PCDH7: variants seen among roughly 807,000 people sequenced by gnomAD.
PCDH7 encodes the protein protocadherin-7.
A neutral mutation model predicts 58.9 loss-of-function variants in PCDH7; 17 were observed. The ratio of observed to expected loss-of-function variants is 0.29; its 90% CI spans 0.20 to 0.43. The LOEUF (loss-of-function observed/expected upper bound fraction) is 0.43, where lower values mean the gene tolerates loss of function less well. PCDH7 is among the 20% of genes least tolerant of loss of function. The pLI, the probability that PCDH7 is intolerant of heterozygous loss-of-function variation, is 1.00. For synonymous variants in PCDH7, 664 were observed against 616.4 expected (o/e 1.08, Z -1.14); for missense variants, 1,274 against 1,441.0 (o/e 0.88, Z 1.88).
At chr4:30,821,154 C>G (rs1466080392) in intron 1 of PCDH7, among the ~76,000 whole-genome samples, 2 of 152,150 alleles carry the variant, frequency 1.3e-5, no homozygotes, top group African/African-American at 4.8e-5. Flanking sequence ...TTAAGTCACT[C>G]TCTGCCTCCT....
At chr4:31,127,587 C>T (rs572740361) in intron 3 of PCDH7, among the ~76,000 whole-genome samples, 2 of 152,038 alleles carry the variant, frequency 1.3e-5, no homozygotes, top group African/African-American at 4.8e-5. Flanking sequence ...CACAATTACA[C>T]CTAATTCTAG....
chr4:30,831,857 G>A (rs1729831765), intron 1 of PCDH7, among the ~76,000 whole-genome samples: 1 of 148,644 alleles, frequency 6.7e-6, no homozygotes, highest in African/African-American at 2.4e-5. Flanking sequence ...TGCTCTGCTA[G>A]TCAAGTTTTT....
chr4:30,868,388 G>A (rs1403951107), intron 1 of PCDH7, among the ~76,000 whole-genome samples: 3 of 151,990 alleles, frequency 2.0e-5, no homozygotes, highest in Admixed American at 2.0e-4. Context: ...TAAACATTAC[G>A]CTGCTGACTT....
At chr4:30,766,130 G>T (rs940493100) in intron 1 of PCDH7, among the ~76,000 whole-genome samples, 47 of 151,282 alleles carry the variant, frequency 3.1e-4, no homozygotes, top group African/African-American at 1.1e-3. Context: ...AAAAGGAACT[G>T]ATTCTGATGA....
At chr4:30,880,376 TA>T (rs1402345819) in intron 1 of PCDH7, among the ~76,000 whole-genome samples, 1 of 152,018 alleles carries the variant, frequency 6.6e-6, no homozygotes, top group Non-Finnish European at 1.5e-5. Flanking sequence ...ATATTCTCCA[TA>T]ACCAAATCTG....
chr4:31,000,887 C>T (rs1341522677), intron 3 of PCDH7, among the ~76,000 whole-genome samples: 1 of 152,052 alleles, frequency 6.6e-6, no homozygotes, highest in African/African-American at 2.4e-5. Context: ...GTAAACTATT[C>T]TTTATGCTGT....
chr4:30,877,055 C>T (rs971748181), intron 1 of PCDH7, among the ~76,000 whole-genome samples: 1 of 151,830 alleles, frequency 6.6e-6, no homozygotes, highest in African/African-American at 2.4e-5. Flanking sequence ...TTCCTGCAGA[C>T]TAAAGTCATC....
intron 3 of PCDH7, among the ~76,000 whole-genome samples, chr4:31,006,902 A>AAAAAG (rs1752811193): frequency 6.8e-6 from 1 of 147,172 alleles, no homozygotes; most frequent in Non-Finnish European, 1.5e-5. Context: ...CAAAAAAAAA[A>AAAAAG]AAAAAGAAAA....
chr4:30,900,469 A>T (rs1176078207), intron 1 of PCDH7, among the ~76,000 whole-genome samples: 1 of 152,200 alleles, frequency 6.6e-6, no homozygotes, highest in Non-Finnish European at 1.5e-5. Flanking sequence ...CTTGAAATAT[A>T]TACTACTTAT....
intron 3 of PCDH7, among the ~76,000 whole-genome samples, chr4:31,109,222 A>G (rs1361209249): frequency 6.6e-6 from 1 of 152,224 alleles, no homozygotes; most frequent in Non-Finnish European, 1.5e-5. Context: ...TGTGAGGGGA[A>G]AAACTGCAAA....
chr4:30,769,755 A>C (rs1721174601), intron 1 of PCDH7, among the ~76,000 whole-genome samples: 1 of 152,316 alleles, frequency 6.6e-6, no homozygotes, highest in Non-Finnish European at 1.5e-5. Context: ...TTTATCTTAC[A>C]TAATTCTTTA....
chr4:30,936,032 C>T (rs972187089), intron 2 of PCDH7, among the ~76,000 whole-genome samples: 2 of 151,746 alleles, frequency 1.3e-5, no homozygotes, highest in Non-Finnish European at 2.9e-5. Context: ...ATGAAAGAAG[C>T]ACTAAAAAAG....
chr4:30,784,728 AT>A (rs1329131348), intron 1 of PCDH7, among the ~76,000 whole-genome samples: 1 of 152,088 alleles, frequency 6.6e-6, no homozygotes, highest in Admixed American at 6.6e-5. Flanking sequence ...TAGGAGAAGA[AT>A]TAACAAGAGA....
chr4:30,910,150 C>A (rs1266016664), intron 1 of PCDH7, among the ~76,000 whole-genome samples: 1 of 152,148 alleles, frequency 6.6e-6, no homozygotes, highest in Non-Finnish European at 1.5e-5. Context: ...TGGACCCCTT[C>A]CTTACACCTT....
At chr4:30,978,953 T>G (rs755368292) in intron 3 of PCDH7, among the ~76,000 whole-genome samples, 19 of 152,094 alleles carry the variant, frequency 1.2e-4, no homozygotes, top group Non-Finnish European at 4.4e-5. Flanking sequence ...ATAAAAAGTT[T>G]TATTATTAAA....
intron 3 of PCDH7, among the ~76,000 whole-genome samples, chr4:31,014,777 A>G (rs902622454): frequency 1.1e-4 from 17 of 152,168 alleles, no homozygotes; most frequent in Non-Finnish European, 2.1e-4. Context: ...TTGGAGTATC[A>G]TTTAGTTTTC....
chr4:30,751,043 A>T (rs1718450271), intron 1 of PCDH7, among the ~76,000 whole-genome samples: 1 of 152,208 alleles, frequency 6.6e-6, no homozygotes, highest in South Asian at 2.1e-4. Flanking sequence ...TGAGGCCATA[A>T]AATGAGTTAG....
intron 3 of PCDH7, among the ~76,000 whole-genome samples, chr4:30,991,168 C>T (rs890188053): frequency 7.9e-5 from 12 of 152,164 alleles, no homozygotes; most frequent in Non-Finnish European, 1.6e-4. Flanking sequence ...TGGAAGCAAT[C>T]AAGACTCAAG....
chr4:30,956,837 C>G (rs1560532801), intron 3 of PCDH7, among the ~76,000 whole-genome samples: 1 of 152,100 alleles, frequency 6.6e-6, no homozygotes. Context: ...TCTTTTGCAT[C>G]CTTGGATGCA....
Sources: gnomAD v4.1 joint callset for allele counts (sites outside exome capture counted in the v4.1 genomes callset) on GRCh38, gnomAD v4.1.1 for gene constraint, MANE v1.5 for transcripts, NCBI Gene and HGNC (gene_info 2026-07-23, HGNC 2026-07-21) for gene names.